The following MYH10 variants were observed in gnomAD, a reference collection of about 807,000 sequenced individuals.
MYH10 encodes the protein myosin-10.
Under a neutral mutation model 257.8 loss-of-function variants are expected in MYH10, and 55 were observed. The observed-to-expected ratio is 0.21, with a 90% CI of 0.17 to 0.27. MYH10 has a LOEUF of 0.27. MYH10 is among the 10% of genes least tolerant of loss of function. The pLI is 1.00. For missense variants in MYH10, 1,631 were observed against 2,500.6 expected (o/e 0.65, Z 7.42); for synonymous variants, 854 against 921.7 (o/e 0.93, Z 1.33).
intron 4 of MYH10, among the ~76,000 whole-genome samples, chr17:8,587,529 C>G (rs2083954347): frequency 6.6e-6 from 1 of 152,140 alleles, no homozygotes; most frequent in Non-Finnish European, 1.5e-5. Context: ...CTCCCCACCC[C>G]TACTTACCCG....
chr17:8,605,944 T>C (rs1397028120), intron 2 of MYH10, among the ~76,000 whole-genome samples: 1 of 150,908 alleles, frequency 6.6e-6, no homozygotes, highest in Non-Finnish European at 1.5e-5. Flanking sequence ...AGTTTTCATC[T>C]GTCTAATTTT....
At chr17:8,582,285 TTCTC>T (rs1168154168) in intron 4 of MYH10, among the ~76,000 whole-genome samples, 3 of 152,274 alleles carry the variant, frequency 2.0e-5, no homozygotes, top group South Asian at 2.1e-4. Flanking sequence ...CTCAGCAGAC[TTCTC>T]TCTAAGAAAA....
intron 30 of MYH10, among the ~76,000 whole-genome samples, chr17:8,498,674 C>T (rs1049646380): frequency 6.6e-5 from 10 of 151,858 alleles, no homozygotes; most frequent in South Asian, 2.1e-4. Flanking sequence ...GGTGAAACCC[C>T]GTCTCTACTA....
At chr17:8,559,200 C>A (rs2082904799) in intron 7 of MYH10, among the ~76,000 whole-genome samples, 1 of 152,130 alleles carries the variant, frequency 6.6e-6, no homozygotes, top group African/African-American at 2.4e-5. Context: ...TACAGTCTAC[C>A]ATGCTATCTG....
At chr17:8,597,989 G>A (rs956717988) in intron 3 of MYH10, among the ~76,000 whole-genome samples, 3 of 151,300 alleles carry the variant, frequency 2.0e-5, no homozygotes, top group Non-Finnish European at 4.4e-5. Flanking sequence ...GATTTGGTTT[G>A]TTTGTTTTTG....
intron 3 of MYH10, among the ~76,000 whole-genome samples, chr17:8,590,968 G>A (rs1402201661): frequency 1.5e-5 from 2 of 136,886 alleles, no homozygotes; most frequent in Non-Finnish European, 3.0e-5. Context: ...CACCTCCCGG[G>A]TTCACGCCAT....
chr17:8,625,432 T>C (rs2085638361), intron 1 of MYH10, among the ~76,000 whole-genome samples: 2 of 152,086 alleles, frequency 1.3e-5, no homozygotes, highest in South Asian at 4.1e-4. Flanking sequence ...ATTGCTGGGC[T>C]CTATCCCAGA....
At chr17:8,514,429 C>T (rs890140451) in intron 21 of MYH10, among the ~76,000 whole-genome samples, 3 of 152,142 alleles carry the variant, frequency 2.0e-5, no homozygotes, top group East Asian at 1.9e-4. Context: ...CTCTCATTTA[C>T]GGCCCGGCCT....
chr17:8,562,523 A>G (rs889521207), intron 7 of MYH10, among the ~76,000 whole-genome samples: 1 of 152,238 alleles, frequency 6.6e-6, no homozygotes, highest in Non-Finnish European at 1.5e-5. Context: ...CATTATGTGA[A>G]GAAATCTGTG....
intron 14 of MYH10, among the ~76,000 whole-genome samples, chr17:8,540,704 C>G (rs76255131): frequency 0.018 from 2,709 of 152,230 alleles, 80 homozygotes; most frequent in African/African-American, 0.059. Context: ...TGTAGGACTT[C>G]CAGTGTCATA....
chr17:8,595,749 G>C (rs947039978), intron 3 of MYH10, among the ~76,000 whole-genome samples: 1 of 150,314 alleles, frequency 6.7e-6, no homozygotes, highest in South Asian at 2.1e-4. Context: ...GTTGTTTAAC[G>C]GTGTCAGTGC....
intron 21 of MYH10, 142 bp downstream of exon 21, chr17:8,518,489 C>T: frequency 1.2e-6 from 1 of 813,020 alleles, no homozygotes. Context: ...CATGTATTTA[C>T]CTGACTATCT....
intron 3 of MYH10, among the ~76,000 whole-genome samples, chr17:8,601,516 T>C (rs957378684): frequency 3.3e-5 from 5 of 151,796 alleles, no homozygotes; most frequent in Admixed American, 2.6e-4. Context: ...TTTTCAAAAA[T>C]ATCACTTTTT....
chr17:8,589,225 C>T (rs527496906), intron 3 of MYH10, 117 bp from the exon 4 acceptor site: 11 of 1,010,754 alleles, frequency 1.1e-5, no homozygotes, highest in African/African-American at 8.1e-5. Flanking sequence ...CTACTCCTCT[C>T]GAGCCAAGTT....
chr17:8,503,274 A>G (rs913507433), intron 28 of MYH10, among the ~76,000 whole-genome samples: 1 of 149,428 alleles, frequency 6.7e-6, no homozygotes, highest in Non-Finnish European at 1.5e-5. Context: ...CAAGAGCGAA[A>G]CTCCGTCTCA....
intron 40 of MYH10, 96 bp from the exon 41 acceptor site, chr17:8,478,542 A>G: frequency 8.8e-7 from 1 of 1,134,596 alleles, no homozygotes; most frequent in Non-Finnish European, 1.3e-6. Flanking sequence ...GGAAGATGAC[A>G]CATGGTGGAG....
chr17:8,567,567 T>G (rs912181175), intron 7 of MYH10, among the ~76,000 whole-genome samples: 8 of 152,084 alleles, frequency 5.3e-5, no homozygotes, highest in Non-Finnish European at 1.0e-4. Context: ...TTTAAAGAAG[T>G]CATTACATTA....
intron 3 of MYH10, among the ~76,000 whole-genome samples, chr17:8,592,649 T>C (rs2084190935): frequency 6.6e-6 from 1 of 151,234 alleles, no homozygotes; most frequent in African/African-American, 2.4e-5. Flanking sequence ...AATGAAATTG[T>C]AATTAAAAAT....
In MYH10 at chr17:8,513,599, A is replaced by G. The variant is rs1243767553; in HGVS notation, c.2684T>C (p.Val895Ala). 2 of 1,613,402 alleles carry G rather than the reference A, an allele frequency of 1.2e-6. No individual in the cohort carries two copies. Among genetic ancestry groups the G allele is most frequent in the Non-Finnish European group, 1.7e-6 (2 of 1,179,924 alleles). The change falls in exon 23 of 43, where the codon GTG becomes GCG. Residue 895 changes from valine (V) to alanine (A), a missense_variant. Transcript: ENST00000360416. ...TTCCACCTTCGTCTGCTTCTCCTTC[A>G]CCTTCAACAGCTCTTCATCTTTGGC... is the stretch of plus-strand genomic sequence containing the variant. The part of the protein sequence containing the change: ...LQAKDEELLK[V>A]KEKQTKVEGE...
Sources: gnomAD v4.1 joint callset for allele counts (sites outside exome capture counted in the v4.1 genomes callset) on GRCh38, gnomAD v4.1.1 for gene constraint, MANE v1.5 for transcripts, NCBI Gene and HGNC (gene_info 2026-07-23, HGNC 2026-07-21) for gene names.